The following FRMD3 variants were observed in gnomAD, a reference collection of about 807,000 sequenced individuals.
FRMD3 encodes the protein FERM domain containing 3.
In FRMD3, 33 loss-of-function variants were observed where a neutral mutation model predicts 70.2. The ratio of observed to expected loss-of-function variants is 0.47; its 90% CI spans 0.36 to 0.63. The LOEUF (loss-of-function observed/expected upper bound fraction) is 0.63. FRMD3 is among the 20% of genes least tolerant of loss of function. The pLI is 0.00. For missense variants in FRMD3, 632 were observed against 711.4 expected (o/e 0.89, Z 1.27); for synonymous variants, 279 against 255.9 (o/e 1.09, Z -0.86).
intron 13 of FRMD3, among the ~76,000 whole-genome samples, chr9:83,250,554 G>A (rs1298134237): frequency 6.6e-6 from 1 of 152,204 alleles, no homozygotes; most frequent in African/African-American, 2.4e-5. Flanking sequence ...CCACTGGCTT[G>A]GAATCCCAGC....
At chr9:83,432,741 T>C (rs1587847483) in intron 1 of FRMD3, among the ~76,000 whole-genome samples, 1 of 152,234 alleles carries the variant, frequency 6.6e-6, no homozygotes, top group East Asian at 1.9e-4. Context: ...CTTAAATAGA[T>C]TTAACAGATT....
rs1238194307 is a variant in FRMD3 at position 83,245,606 on chromosome 9, C to A, written c.*2312G>T. The stretch of plus-strand genomic sequence containing the variant: ...GGATTACATGTGATATTTATACTAT[C>A]ATATTTTTTAAGTATTTTACAATGG... On this transcript the variant is annotated 3_prime_UTR_variant, in exon 14 of 14. Coordinates refer to ENST00000304195, the MANE Select transcript of FRMD3 (RefSeq NM_174938.6). 1 of 805,452 alleles carries A rather than the reference C, an allele frequency of 1.2e-6. No individual in the cohort carries two copies. The highest frequency in any genetic ancestry group is 1.5e-6 in the Non-Finnish European group (1 of 665,806). 49.9% of individuals were successfully genotyped at this position (805,452 alleles called of 1,614,324 possible).
chr9:83,537,567 A>T lies in FRMD3; in HGVS notation c.147+518T>A, dbSNP rs566451892. Among the ~76,000 whole-genome samples, 180 of 152,298 alleles carry T rather than the reference A, an allele frequency of 1.2e-3. No individual in the cohort carries two copies. The highest frequency in any genetic ancestry group is 2.4e-3 in the Non-Finnish European group (161 of 67,990). On this transcript the variant is annotated intron_variant, in intron 1 of 13. Transcript: ENST00000304195. The surrounding 1 kb of genome is among the most constrained non-coding windows in gnomAD (Gnocchi z 4.1). ...GCGGAGAACTAAAGACCACCGGCGG[A>T]GGGTGAGGGGGACCGACACGGAGCG...
chr9:83,435,202 C>T (rs1827099330), intron 1 of FRMD3, among the ~76,000 whole-genome samples: 1 of 152,156 alleles, frequency 6.6e-6, no homozygotes, highest in Admixed American at 6.5e-5. Context: ...ACTGGAACCA[C>T]TCTGCTACAC....
At chr9:83,317,902 G>A (rs1393177873) in intron 6 of FRMD3, among the ~76,000 whole-genome samples, 1 of 152,098 alleles carries the variant, frequency 6.6e-6, no homozygotes, top group Admixed American at 6.5e-5. Flanking sequence ...ACCAAAAAAG[G>A]ACACCTATCT....
chr9:83,411,119 G>T (rs1235702422), intron 1 of FRMD3, among the ~76,000 whole-genome samples: 1 of 152,218 alleles, frequency 6.6e-6, no homozygotes, highest in Non-Finnish European at 1.5e-5. Context: ...GCCCCTTAGA[G>T]ACGTGGCGTA....
At chr9:83,426,459 C>T (rs548796855) in intron 1 of FRMD3, among the ~76,000 whole-genome samples, 4 of 152,216 alleles carry the variant, frequency 2.6e-5, no homozygotes, top group Non-Finnish European at 2.9e-5. Flanking sequence ...AGGCCGGCCC[C>T]GGTGCTAAGA....
At chr9:83,454,609 A>G (rs545315112) in intron 1 of FRMD3, among the ~76,000 whole-genome samples, 1 of 152,170 alleles carries the variant, frequency 6.6e-6, no homozygotes, top group Admixed American at 6.5e-5. Flanking sequence ...TTTCATGTTT[A>G]TTTCTGGTTG....
chr9:83,339,927 A>G (rs1451702585), intron 5 of FRMD3, among the ~76,000 whole-genome samples: 1 of 152,212 alleles, frequency 6.6e-6, no homozygotes, highest in Non-Finnish European at 1.5e-5. Flanking sequence ...ATGTTAAATG[A>G]ATCAGGCACA....
intron 1 of FRMD3, among the ~76,000 whole-genome samples, chr9:83,475,967 A>T (rs909613973): frequency 6.6e-6 from 1 of 152,214 alleles, no homozygotes; most frequent in Non-Finnish European, 1.5e-5. Context: ...GAGTGTCTAC[A>T]GTGGGCTATT....
At chr9:83,391,621 A>AT (rs1011051791) in intron 1 of FRMD3, among the ~76,000 whole-genome samples, 2 of 152,082 alleles carry the variant, frequency 1.3e-5, no homozygotes, top group South Asian at 2.1e-4. Flanking sequence ...CACAACAAAG[A>AT]TTTTTTTTAA....
At chr9:83,488,785 T>C (rs905015249) in intron 1 of FRMD3, among the ~76,000 whole-genome samples, 2 of 152,162 alleles carry the variant, frequency 1.3e-5, no homozygotes, top group African/African-American at 2.4e-5. Context: ...CCATTAAATG[T>C]TGACTGATTA....
intron 2 of FRMD3, among the ~76,000 whole-genome samples, chr9:83,374,730 G>T (rs1351478575): frequency 6.6e-6 from 1 of 152,150 alleles, no homozygotes; most frequent in Admixed American, 6.5e-5. Flanking sequence ...TAAAATGATT[G>T]TTGGCCGATG....
intron 1 of FRMD3, among the ~76,000 whole-genome samples, chr9:83,530,529 AT>A (rs1246202949): frequency 1.3e-5 from 2 of 152,158 alleles, no homozygotes; most frequent in African/African-American, 4.8e-5. Context: ...GCAAAGGTTC[AT>A]TTTGGGGATG....
intron 1 of FRMD3, among the ~76,000 whole-genome samples, chr9:83,425,203 C>T (rs11140079): frequency 0.13 from 19,185 of 152,144 alleles, 1,412 homozygotes; most frequent in South Asian, 0.29. Context: ...ACAGGATTTA[C>T]AGTAATTATG....
At chr9:83,317,312 C>G (rs1442912058) in intron 6 of FRMD3, among the ~76,000 whole-genome samples, 7 of 152,032 alleles carry the variant, frequency 4.6e-5, no homozygotes, top group African/African-American at 1.7e-4. Flanking sequence ...ACCCACTCTT[C>G]TGGCCCTCAA....
intron 4 of FRMD3, among the ~76,000 whole-genome samples, chr9:83,346,863 A>G (rs1823980823): frequency 6.6e-6 from 1 of 152,138 alleles, no homozygotes; most frequent in South Asian, 2.1e-4. Flanking sequence ...GGATGCTGAC[A>G]TTGCTGGCCC....
chr9:83,444,418 T>G (rs1827396221), intron 1 of FRMD3, among the ~76,000 whole-genome samples: 1 of 152,194 alleles, frequency 6.6e-6, no homozygotes, highest in Non-Finnish European at 1.5e-5. Context: ...CCTTGGAAAA[T>G]TCATGCCAGG....
intron 1 of FRMD3, among the ~76,000 whole-genome samples, chr9:83,529,961 G>A (rs1455961876): frequency 6.6e-6 from 1 of 152,142 alleles, no homozygotes; most frequent in Admixed American, 6.5e-5. Context: ...CACTTAGGAT[G>A]GTTATAATCA....
Sources: gnomAD v4.1 joint callset for allele counts (sites outside exome capture counted in the v4.1 genomes callset) on GRCh38, gnomAD v4.1.1 for gene constraint, Gnocchi (gnomAD v3.1) non-coding constraint, MANE v1.5 for transcripts, NCBI Gene and HGNC (gene_info 2026-07-23, HGNC 2026-07-21) for gene names.